Variants in TRABD2B observed in about 807,000 individuals in gnomAD.
TRABD2B encodes the protein metalloprotease TIKI2.
In TRABD2B, 14 loss-of-function variants were observed where a neutral mutation model predicts 40.1. The ratio of observed to expected loss-of-function variants is 0.35; its 90% CI spans 0.23 to 0.55. The LOEUF (loss-of-function observed/expected upper bound fraction) is 0.55, where lower values mean the gene tolerates loss of function less well. Ranked by LOEUF, TRABD2B falls within the 20% of genes least tolerant of loss-of-function variation. The pLI is 0.90. For missense variants in TRABD2B, 541 were observed against 648.6 expected (o/e 0.83, Z 1.80); for synonymous variants, 263 against 277.0 (o/e 0.95, Z 0.50).
chr1:47,791,809 T>C (rs781192046), intron 4 of TRABD2B, among the ~76,000 whole-genome samples: 1 of 152,182 alleles, frequency 6.6e-6, no homozygotes. Flanking sequence ...TCCATGTCAA[T>C]AGGATGACTC....
intron 6 of TRABD2B, among the ~76,000 whole-genome samples, chr1:47,767,313 G>C (rs1392682380): frequency 4.6e-5 from 7 of 152,216 alleles, no homozygotes; most frequent in African/African-American, 2.4e-5. Flanking sequence ...GGAGCACCGG[G>C]GGGCAGCAGG....
At chr1:47,787,268 C>T (rs1644608846) in intron 4 of TRABD2B, among the ~76,000 whole-genome samples, 1 of 152,136 alleles carries the variant, frequency 6.6e-6, no homozygotes, top group African/African-American at 2.4e-5. Flanking sequence ...CCTTTCAGTG[C>T]CAGTCACTCA....
chr1:47,977,889 G>C (rs1645781853), intron 2 of TRABD2B, among the ~76,000 whole-genome samples: 1 of 152,064 alleles, frequency 6.6e-6, no homozygotes, highest in Non-Finnish European at 1.5e-5. Context: ...GTTCAGCCCT[G>C]ATTTCATGTG....
Position 47,801,520 on chromosome 1 carries a change from T to C in TRABD2B, c.766A>G (p.Asn256Asp). 2 of 1,536,092 alleles carry C rather than the reference T, an allele frequency of 1.3e-6. No individual in the cohort carries two copies. The highest frequency in any genetic ancestry group is 1.7e-6 in the Non-Finnish European group (2 of 1,146,888). The stretch of plus-strand genomic sequence containing the variant: ...ATGACTGCGCTGAGGTCTCCGCAGT[T>C]GTAGTGCTTGATGAGGTCCTCCGTG... Reference protein sequence around the residue: ...YTTEDLIKHYNCGDLSAVIFN... With the variant: ...YTTEDLIKHYDCGDLSAVIFN... Residue 256 changes from asparagine to aspartate, a missense_variant, in exon 3 of 7, where the codon AAC becomes GAC. By Grantham distance (23) the Asn-to-Asp change is conservative. Around this residue, in one of 2 missense-constraint regions of TRABD2B, gnomAD observed 369 missense variants for 492.8 expected, o/e 0.75. Coordinates refer to ENST00000606738, the MANE Select transcript of TRABD2B (RefSeq NM_001194986.2).
intron 2 of TRABD2B, among the ~76,000 whole-genome samples, chr1:47,864,535 T>A (rs147666427): frequency 1.3e-5 from 2 of 152,316 alleles, no homozygotes; most frequent in Non-Finnish European, 2.9e-5. Flanking sequence ...GGAAAATTAC[T>A]CAGTTTTCTC....
intron 2 of TRABD2B, among the ~76,000 whole-genome samples, chr1:47,921,310 T>C (rs1444894651): frequency 6.6e-6 from 1 of 152,164 alleles, no homozygotes; most frequent in Non-Finnish European, 1.5e-5. Context: ...GACACAAATA[T>C]GCAAGTTGCC....
intron 2 of TRABD2B, among the ~76,000 whole-genome samples, chr1:47,810,158 G>A (rs1004678776): frequency 4.0e-5 from 6 of 151,336 alleles, no homozygotes; most frequent in South Asian, 4.2e-4. Flanking sequence ...GTGTGTGCGC[G>A]CGCGCGCGCG....
At chr1:47,792,078 C>T (rs1169972365) in intron 4 of TRABD2B, among the ~76,000 whole-genome samples, 2 of 152,178 alleles carry the variant, frequency 1.3e-5, no homozygotes, top group African/African-American at 2.4e-5. Flanking sequence ...TTGTTCCAGG[C>T]ATGGCTGAGC....
chr1:47,913,244 C>T (rs1385519566), intron 2 of TRABD2B, among the ~76,000 whole-genome samples: 1 of 152,134 alleles, frequency 6.6e-6, no homozygotes, highest in African/African-American at 2.4e-5. Context: ...TCCTATAGAT[C>T]GATCCACTCT....
chr1:47,943,397 G>A (rs1645213859), intron 2 of TRABD2B, among the ~76,000 whole-genome samples: 1 of 152,198 alleles, frequency 6.6e-6, no homozygotes, highest in African/African-American at 2.4e-5. Flanking sequence ...CCTTCATGGA[G>A]AAAGGAGGTT....
chr1:47,884,192 C>T (rs996069105), intron 2 of TRABD2B, among the ~76,000 whole-genome samples: 89 of 152,280 alleles, frequency 5.8e-4, no homozygotes, highest in African/African-American at 2.1e-3. Flanking sequence ...CTTTCCTATG[C>T]TCTTTGAAAA....
chr1:47,763,842 T>A lies in TRABD2B; in HGVS notation c.*2060A>T, dbSNP rs1282492568. 1 of 152,226 alleles carries A rather than the reference T, an allele frequency of 6.6e-6. No individual in the cohort carries two copies. The highest frequency in any genetic ancestry group is 2.4e-5 in the African/African-American group (1 of 41,456). 9.4% of individuals were successfully genotyped at this position (152,226 alleles called of 1,614,324 possible). A position where few individuals can be genotyped will look rare whatever the true frequency, so the allele number is the denominator to read the frequency against. ...TTGATGTCCAACTTCTGAGCCTGCT[T>A]TATAAGTCAGCTAAGCCCCTTCCCG... is the stretch of plus-strand genomic sequence containing the variant. On this transcript the variant is annotated 3_prime_UTR_variant, in exon 7 of 7. Coordinates refer to ENST00000606738, the MANE Select transcript of TRABD2B (RefSeq NM_001194986.2).
chr1:47,956,902 G>A (rs1413987090), intron 2 of TRABD2B, among the ~76,000 whole-genome samples: 1 of 152,236 alleles, frequency 6.6e-6, no homozygotes, highest in East Asian at 1.9e-4. Flanking sequence ...TGGACAGACT[G>A]CCTCCTCAAG....
intron 2 of TRABD2B, among the ~76,000 whole-genome samples, chr1:47,869,930 C>A (rs1341299678): frequency 1.3e-5 from 2 of 152,062 alleles, no homozygotes; most frequent in Non-Finnish European, 1.5e-5. Context: ...CAGACCTAAC[C>A]CATCAGACCA....
At chr1:47,841,195 T>A (rs539725654) in intron 2 of TRABD2B, among the ~76,000 whole-genome samples, 1 of 152,310 alleles carries the variant, frequency 6.6e-6, no homozygotes, top group East Asian at 1.9e-4. Flanking sequence ...GAGCCCCTGG[T>A]TACCTGCTGC....
intron 2 of TRABD2B, among the ~76,000 whole-genome samples, chr1:47,924,220 G>A (rs1396786070): frequency 6.6e-6 from 1 of 152,164 alleles, no homozygotes; most frequent in African/African-American, 2.4e-5. Flanking sequence ...AAATTTACCG[G>A]CTCAAGCATC....
chr1:47,881,299 T>C (rs565460396), intron 2 of TRABD2B, among the ~76,000 whole-genome samples: 12 of 152,318 alleles, frequency 7.9e-5, no homozygotes, highest in African/African-American at 2.9e-4. Flanking sequence ...TGCCCCTGTG[T>C]CACTTGGTGC....
At chr1:47,938,022 T>G (rs1032589046) in intron 2 of TRABD2B, among the ~76,000 whole-genome samples, 6 of 152,188 alleles carry the variant, frequency 3.9e-5, no homozygotes, top group African/African-American at 1.4e-4. Context: ...GTTCTACTAC[T>G]CATGATATAT....
intron 2 of TRABD2B, among the ~76,000 whole-genome samples, chr1:47,880,738 G>A (rs1644291782): frequency 6.6e-6 from 1 of 152,232 alleles, no homozygotes; most frequent in Admixed American, 6.5e-5. Flanking sequence ...TGAGTCCTGG[G>A]ACTGGGTCTA....
Sources: allele counts gnomAD v4.1 joint callset (sites outside exome capture counted in the v4.1 genomes callset), GRCh38; gene constraint gnomAD v4.1.1; regional missense constraint gnomAD v4.1.1; transcripts MANE v1.5; gene names NCBI Gene and HGNC (gene_info 2026-07-23, HGNC 2026-07-21).